Variants in DENND6A observed in about 807,000 individuals in gnomAD.
DENND6A encodes protein DENND6A.
In DENND6A, 43 loss-of-function variants were observed where a neutral mutation model predicts 95.5. The observed-to-expected ratio is 0.45, with a 90% CI of 0.35 to 0.58. The LOEUF is 0.58. Ranked by LOEUF, DENND6A falls within the 20% of genes least tolerant of loss-of-function variation. DENND6A has a pLI of 0.00. For synonymous variants in DENND6A, 257 were observed against 260.4 expected (o/e 0.99, Z 0.13); for missense variants, 574 against 736.0 (o/e 0.78, Z 2.55).
chr3:57,672,817 T>A (rs959832451), intron 1 of DENND6A, among the ~76,000 whole-genome samples: 2 of 151,460 alleles, frequency 1.3e-5, no homozygotes, highest in African/African-American at 4.9e-5. Flanking sequence ...TATATATATA[T>A]AACATTAGTC....
intron 1 of DENND6A, among the ~76,000 whole-genome samples, chr3:57,683,767 G>A (rs1276545130): frequency 6.6e-6 from 1 of 152,170 alleles, no homozygotes. Context: ...ACACAGTATA[G>A]TGGGGGGAAA....
intron 15 of DENND6A, among the ~76,000 whole-genome samples, chr3:57,631,880 G>A (rs1372852714): frequency 6.6e-6 from 1 of 150,560 alleles, no homozygotes; most frequent in Admixed American, 6.6e-5. Context: ...CCACCACCAC[G>A]CCCGGCTAAT....
intron 6 of DENND6A, 115 bp downstream of exon 6, chr3:57,661,331 A>G (rs1204407477): frequency 2.5e-6 from 2 of 790,970 alleles, no homozygotes; most frequent in Admixed American, 3.8e-5. Context: ...CCTATCATAT[A>G]TTCCTTAAGT....
In DENND6A at chr3:57,665,932, T is replaced by A. The variant is rs190581357; in HGVS notation, c.432+191A>T. On this transcript the variant is annotated intron_variant, in intron 4 of 19. Coordinates refer to ENST00000311128, the MANE Select transcript of DENND6A (RefSeq NM_152678.3). Reference sequence around the variant, plus strand: ...TCACAGTGACATTATGTTTCAAACATAGTAACTGTATAAAGTCCCTTTCAT... The same window carrying A: ...TCACAGTGACATTATGTTTCAAACAAAGTAACTGTATAAAGTCCCTTTCAT... 4.6e-5 allele frequency: 23 copies of A among 494,960 alleles called. 1 individual carries two copies. The South Asian group carries it at 6.7e-4, about 14-fold the overall frequency. The allele number at this position is 494,960 out of a possible 1,614,324, so 30.7% of individuals were successfully genotyped here.
chr3:57,688,948 T>C (rs1229465001), intron 1 of DENND6A, among the ~76,000 whole-genome samples: 1 of 152,112 alleles, frequency 6.6e-6, no homozygotes, highest in Non-Finnish European at 1.5e-5. Context: ...AGAGTGATAT[T>C]TTCTAGTGTT....
chr3:57,628,252 C>T lies in DENND6A; in HGVS notation c.1789G>A (p.Asp597Asn). Reference protein sequence around the residue: ...IDAIILALPEDLQGILLKTGM... With the variant: ...IDAIILALPENLQGILLKTGM... ...GTTTTGAGCAGTATGCCTTGCAAGT[C>T]CTCTGGCAATGCTAAGATAATGGCA... The change falls in exon 20 of 20, where the codon GAC (aspartate) becomes AAC (asparagine). Residue 597 changes from aspartate to asparagine, a missense_variant. This residue lies in a region of DENND6A where 452 missense variants were observed against 630.9 expected (regional missense o/e 0.72). Transcript: ENST00000311128. 6.2e-7 allele frequency: 1 copy of T among 1,613,934 alleles called. No homozygotes were observed.
rs768953218 is a variant in DENND6A at position 57,692,850 on chromosome 3, T to C, written c.169A>G (p.Ser57Gly). 3 of 1,584,798 alleles carry C rather than the reference T, an allele frequency of 1.9e-6. No homozygotes were observed. Among genetic ancestry groups the C allele is most frequent in the Non-Finnish European group, 2.6e-6 (3 of 1,169,272 alleles). ...ACGCAGTGCAGCCAGGCGGAGAAGCTGTCCCAGCGCAGCAGGCCCCGGCCA... is the reference window on the plus strand; with the variant it reads ...ACGCAGTGCAGCCAGGCGGAGAAGCCGTCCCAGCGCAGCAGGCCCCGGCCA... Reference protein sequence around the residue: ...GRGRGLLRWDSFSAWLHCVCV... With the variant: ...GRGRGLLRWDGFSAWLHCVCV... Residue 57 changes from serine (S) to glycine (G), a missense_variant, in exon 1 of 20, where the codon AGC becomes GGC. Ser to Gly is a moderately conservative substitution (Grantham distance 56). This residue lies in a region of DENND6A where 122 missense variants were observed against 105.1 expected (regional missense o/e 1.16). Coordinates refer to ENST00000311128, the MANE Select transcript of DENND6A (RefSeq NM_152678.3).
At chr3:57,631,512 C>T (rs976394595) in intron 15 of DENND6A, among the ~76,000 whole-genome samples, 2 of 151,618 alleles carry the variant, frequency 1.3e-5, no homozygotes, top group East Asian at 1.9e-4. Context: ...CATTTTTTAA[C>T]GATAATAGTT....
chr3:57,645,828 T>G, intron 10 of DENND6A, 72 bp from the exon 11 acceptor site: 1 of 1,126,744 alleles, frequency 8.9e-7, no homozygotes, highest in Non-Finnish European at 1.3e-6. Context: ...CTAGAAAACA[T>G]CTATACAAAC....
At chr3:57,667,038 T>C (rs1302098145) in intron 3 of DENND6A, among the ~76,000 whole-genome samples, 1 of 152,230 alleles carries the variant, frequency 6.6e-6, no homozygotes, top group African/African-American at 2.4e-5. Context: ...TACATAATTT[T>C]ATTTTTTTGA....
chr3:57,657,814 C>CAATA, intron 8 of DENND6A, 79 bp from the exon 9 acceptor site: 2 of 855,254 alleles, frequency 2.3e-6, no homozygotes, highest in Non-Finnish European at 3.7e-6. Context: ...ATCTCATGAT[C>CAATA]AATAAGCCAT....
intron 1 of DENND6A, among the ~76,000 whole-genome samples, chr3:57,684,147 G>A (rs571039018): frequency 1.6e-3 from 77 of 48,404 alleles, no homozygotes; most frequent in African/African-American, 6.3e-3. Context: ...GTGAGACTCC[G>A]TCTCAAAAAA....
At chr3:57,659,242 T>A (rs1575843889) in intron 7 of DENND6A, 62 bp from the exon 8 acceptor site, 1 of 1,562,606 alleles carries the variant, frequency 6.4e-7, no homozygotes, top group Non-Finnish European at 8.8e-7. Flanking sequence ...AAGTGCTGTA[T>A]CCTGCTGCTA....
chr3:57,675,970 G>T (rs918124288), intron 1 of DENND6A, among the ~76,000 whole-genome samples: 1 of 152,146 alleles, frequency 6.6e-6, no homozygotes, highest in East Asian at 1.9e-4. Flanking sequence ...TGGTACTAAT[G>T]GCTGTCTTAG....
intron 1 of DENND6A, among the ~76,000 whole-genome samples, chr3:57,677,824 C>G (rs2071739040): frequency 6.6e-6 from 1 of 152,094 alleles, no homozygotes; most frequent in South Asian, 2.1e-4. Context: ...TCTCAACATT[C>G]TTCCTGGCTT....
intron 11 of DENND6A, among the ~76,000 whole-genome samples, chr3:57,643,826 C>CAA (rs1158460000): frequency 2.3e-4 from 22 of 94,172 alleles, no homozygotes; most frequent in Admixed American, 4.8e-4. Context: ...GACTCTGTCT[C>CAA]AAAAAAAAAA....
chr3:57,654,139 T>C (rs1458395229), intron 9 of DENND6A, among the ~76,000 whole-genome samples: 1 of 150,594 alleles, frequency 6.6e-6, no homozygotes, highest in East Asian at 2.0e-4. Context: ...GTATTTTTAG[T>C]AGAGACGGGG....
intron 11 of DENND6A, among the ~76,000 whole-genome samples, chr3:57,643,114 G>A (rs1414390489): frequency 1.3e-5 from 2 of 151,984 alleles, no homozygotes; most frequent in Non-Finnish European, 2.9e-5. Context: ...AACATGAGAG[G>A]CAGTAAGACT....
intron 11 of DENND6A, among the ~76,000 whole-genome samples, chr3:57,644,818 G>GGGGGGGGGA (rs2071041730): frequency 1.2e-5 from 1 of 82,520 alleles, no homozygotes; most frequent in Non-Finnish European, 2.3e-5. Flanking sequence ...GGGGAGGGGA[G>GGGGGGGGGA]GGGGAAAGAC....
Sources: gnomAD v4.1 joint callset for allele counts (sites outside exome capture counted in the v4.1 genomes callset) on GRCh38, gnomAD v4.1.1 for gene constraint, gnomAD v4.1.1 regional missense constraint, MANE v1.5 for transcripts, NCBI Gene and HGNC (gene_info 2026-07-23, HGNC 2026-07-21) for gene names.